The following GPC6 variants were observed in gnomAD, a reference collection of about 807,000 sequenced individuals.
The protein encoded by GPC6 is glypican-6.
GPC6 carries 14 observed loss-of-function variants against 55.2 expected under a neutral mutation model. The ratio of observed to expected loss-of-function variants is 0.25; its 90% confidence interval spans 0.17 to 0.40. The LOEUF (loss-of-function observed/expected upper bound fraction) is 0.40, where lower values mean the gene tolerates loss of function less well. Ranked by LOEUF, GPC6 falls within the 10% of genes least tolerant of loss-of-function variation. The probability of loss-of-function intolerance (pLI) is 1.00; values close to 1 mark genes in which losing one functional copy is unlikely to be tolerated. For missense variants in GPC6, 641 were observed against 708.5 expected (o/e 0.90, Z 1.08); for synonymous variants, 278 against 259.6 (o/e 1.07, Z -0.68).
intron 2 of GPC6, among the ~76,000 whole-genome samples, chr13:93,573,596 A>G (rs1281975109): frequency 6.6e-6 from 1 of 152,188 alleles, no homozygotes; most frequent in African/African-American, 2.4e-5. Flanking sequence ...CACCTAGGAA[A>G]GCACGTAAGT....
chr13:94,329,582 T>C (rs766532547), intron 6 of GPC6, among the ~76,000 whole-genome samples: 184 of 152,178 alleles, frequency 1.2e-3, no homozygotes, highest in Non-Finnish European at 1.6e-3. Flanking sequence ...AGTGAGAAAA[T>C]GCATCTGATC....
chr13:94,367,727 A>G (rs1879344266), intron 6 of GPC6, among the ~76,000 whole-genome samples: 1 of 151,718 alleles, frequency 6.6e-6, no homozygotes, highest in African/African-American at 2.4e-5. Flanking sequence ...TCAATTCCCT[A>G]CGAAACTCAA....
chr13:93,827,334 C>T (rs188760516), intron 2 of GPC6, among the ~76,000 whole-genome samples: 61 of 152,246 alleles, frequency 4.0e-4, no homozygotes, highest in Admixed American at 3.9e-3. Flanking sequence ...TGCTGAGAAA[C>T]AATTTTCATC....
At chr13:94,099,566 C>T (rs953428187) in intron 4 of GPC6, among the ~76,000 whole-genome samples, 13 of 152,094 alleles carry the variant, frequency 8.5e-5, no homozygotes, top group Admixed American at 8.5e-4. Flanking sequence ...TCTACTGCTG[C>T]GCCAATTTGA....
chr13:93,851,829 C>G (rs1888412494), intron 3 of GPC6, among the ~76,000 whole-genome samples: 2 of 151,560 alleles, frequency 1.3e-5, no homozygotes, highest in Non-Finnish European at 3.0e-5. Flanking sequence ...CCACTTGTTA[C>G]CTAGTGAAAT....
intron 3 of GPC6, among the ~76,000 whole-genome samples, chr13:94,009,761 A>G (rs1882166918): frequency 6.6e-6 from 1 of 152,136 alleles, no homozygotes; most frequent in South Asian, 2.1e-4. Context: ...GAGAATGGAA[A>G]TGGGACTCAG....
Position 93,930,790 on chromosome 13 carries a change from T to C in GPC6, c.712-96939T>C, listed in dbSNP as rs372564019. Among the ~76,000 whole-genome samples, 11 of 152,184 alleles carry C rather than the reference T, an allele frequency of 7.2e-5. No individual in the cohort carries two copies. The East Asian group carries it at 1.9e-3, about 27-fold the overall frequency. Reference sequence around the variant, plus strand: ...GTATATAAGTCCATTTGTGGACTAGTATAAAGAAATTCCAGAGACTGGGTA... The same window carrying C: ...GTATATAAGTCCATTTGTGGACTAGCATAAAGAAATTCCAGAGACTGGGTA... On this transcript the variant is annotated intron_variant, in intron 3 of 8. Coordinates refer to ENST00000377047, the MANE Select transcript of GPC6 (RefSeq NM_005708.5).
intron 1 of GPC6, among the ~76,000 whole-genome samples, chr13:93,335,260 G>T (rs772057350): frequency 6.6e-6 from 1 of 152,166 alleles, no homozygotes; most frequent in Non-Finnish European, 1.5e-5. Context: ...TAACACAATA[G>T]TTAATACTTA....
chr13:94,036,480 A>C (rs994605433), intron 4 of GPC6, among the ~76,000 whole-genome samples: 1 of 152,036 alleles, frequency 6.6e-6, no homozygotes, highest in African/African-American at 2.4e-5. Flanking sequence ...TCACATTTTT[A>C]TTCTTTAAGA....
chr13:93,361,261 A>G (rs1881030790), intron 1 of GPC6, among the ~76,000 whole-genome samples: 1 of 152,118 alleles, frequency 6.6e-6, no homozygotes, highest in African/African-American at 2.4e-5. Context: ...TCCCGCTCAA[A>G]CAGAGAAAAT....
intron 2 of GPC6, among the ~76,000 whole-genome samples, chr13:93,682,954 G>T (rs1881906466): frequency 6.6e-6 from 1 of 152,022 alleles, no homozygotes; most frequent in Non-Finnish European, 1.5e-5. Flanking sequence ...GAAAGTGGAG[G>T]TTGCAGTGAG....
intron 3 of GPC6, among the ~76,000 whole-genome samples, chr13:94,022,285 T>G (rs1475619923): frequency 6.6e-6 from 1 of 152,044 alleles, no homozygotes; most frequent in Non-Finnish European, 1.5e-5. Flanking sequence ...ATTCTCTATC[T>G]CTATATAATT....
chr13:94,303,459 C>G (rs1875773074), intron 5 of GPC6, among the ~76,000 whole-genome samples: 1 of 152,158 alleles, frequency 6.6e-6, no homozygotes, highest in Non-Finnish European at 1.5e-5. Flanking sequence ...CTAGTCCTGT[C>G]TCTCACTTCC....
intron 1 of GPC6, among the ~76,000 whole-genome samples, chr13:93,438,373 CT>C (rs34107558): frequency 6.6e-6 from 1 of 152,056 alleles, no homozygotes; most frequent in Non-Finnish European, 1.5e-5. Flanking sequence ...AATTGAAAAC[CT>C]TTTGGAAAGT....
chr13:93,939,548 G>C (rs759113304), intron 3 of GPC6, among the ~76,000 whole-genome samples: 5 of 151,362 alleles, frequency 3.3e-5, no homozygotes, highest in Non-Finnish European at 5.9e-5. Flanking sequence ...TTAGAGTTAC[G>C]TTTTTTTTCA....
chr13:93,518,727 G>A (rs908803485), intron 1 of GPC6, among the ~76,000 whole-genome samples: 8 of 151,820 alleles, frequency 5.3e-5, no homozygotes, highest in East Asian at 3.9e-4. Flanking sequence ...ATGCAATAGG[G>A]CCTTTCTCAA....
intron 2 of GPC6, among the ~76,000 whole-genome samples, chr13:93,642,628 T>G (rs1347657896): frequency 6.6e-6 from 1 of 152,072 alleles, no homozygotes; most frequent in Non-Finnish European, 1.5e-5. Context: ...CTAAGAAAAC[T>G]GATATTTTAA....
At chr13:93,334,264 A>G (rs1430178403) in intron 1 of GPC6, among the ~76,000 whole-genome samples, 3 of 152,112 alleles carry the variant, frequency 2.0e-5, no homozygotes, top group African/African-American at 4.8e-5. Flanking sequence ...AATTTTAATT[A>G]CTATAGTTCT....
At chr13:93,380,281 G>C (rs962440452) in intron 1 of GPC6, among the ~76,000 whole-genome samples, 1 of 152,126 alleles carries the variant, frequency 6.6e-6, no homozygotes, top group Admixed American at 6.5e-5. Context: ...TGGGTACCTA[G>C]ATATAAATTT....
Sources: allele counts gnomAD v4.1 joint callset (sites outside exome capture counted in the v4.1 genomes callset), GRCh38; gene constraint gnomAD v4.1.1; transcripts MANE v1.5; gene names NCBI Gene and HGNC (gene_info 2026-07-23, HGNC 2026-07-21).